UTP20: variants seen among roughly 807,000 people sequenced by gnomAD.
UTP20 encodes small subunit processome component 20 homolog.
In UTP20, 164 loss-of-function variants were observed where a neutral mutation model predicts 329.5. That is an observed-to-expected ratio of 0.50 (90% CI 0.44 to 0.57). The LOEUF is 0.57. UTP20 is among the 20% of genes least tolerant of loss of function. The pLI is 0.00. For synonymous variants in UTP20, 1,151 were observed against 1,159.3 expected (o/e 0.99, Z 0.14); for missense variants, 3,055 against 3,284.2 (o/e 0.93, Z 1.71).
intron 49 of UTP20, 49 bp downstream of exon 49, chr12:101,369,940 G>A (rs1184176730): frequency 6.4e-7 from 1 of 1,564,960 alleles, no homozygotes; most frequent in South Asian, 1.1e-5. Context: ...GGAGCTGGAT[G>A]CAATAGCTCG....
intron 21 of UTP20, among the ~76,000 whole-genome samples, chr12:101,314,433 T>C (rs1373869941): frequency 2.0e-5 from 3 of 151,176 alleles, no homozygotes; most frequent in Non-Finnish European, 4.4e-5. Context: ...CCGAGGCTGG[T>C]GGATCACAAG....
chr12:101,282,108 T>G (rs1017191502), intron 2 of UTP20, among the ~76,000 whole-genome samples: 1 of 152,204 alleles, frequency 6.6e-6, no homozygotes, highest in Non-Finnish European at 1.5e-5. Flanking sequence ...CCAATCTCAG[T>G]TCGTAATATT....
intron 43 of UTP20, 65 bp downstream of exon 43, chr12:101,357,147 C>A: frequency 6.8e-7 from 1 of 1,462,860 alleles, no homozygotes. Context: ...AGCTTGAACA[C>A]TGTAAGTTAT....
intron 40 of UTP20, 143 bp from the exon 41 acceptor site, chr12:101,354,689 C>T (rs970333561): frequency 2.5e-6 from 2 of 805,846 alleles, no homozygotes; most frequent in South Asian, 3.6e-5. Flanking sequence ...ACTGCTCTTT[C>T]CTCAGCACTT....
intron 57 of UTP20, 58 bp from the exon 58 acceptor site, chr12:101,381,082 T>TA: frequency 6.9e-7 from 1 of 1,445,850 alleles, no homozygotes; most frequent in Non-Finnish European, 9.7e-7. Flanking sequence ...TTTAGCTTTT[T>TA]AAAAACAATC....
intron 58 of UTP20, among the ~76,000 whole-genome samples, chr12:101,381,915 A>G (rs1870658030): frequency 6.7e-6 from 1 of 150,352 alleles, no homozygotes; most frequent in African/African-American, 2.5e-5. Context: ...GCTACACAGG[A>G]GGCTGAGGCA....
intron 36 of UTP20, 118 bp from the exon 37 acceptor site, chr12:101,345,436 T>C (rs551986645): frequency 2.7e-6 from 2 of 731,528 alleles, no homozygotes; most frequent in East Asian, 5.8e-5. Flanking sequence ...ATCCTGACTT[T>C]TTTTTTTAAC....
At chr12:101,380,216 A>G (rs1870597602) in intron 57 of UTP20, among the ~76,000 whole-genome samples, 1 of 151,868 alleles carries the variant, frequency 6.6e-6, no homozygotes, top group Admixed American at 6.6e-5. Flanking sequence ...TATCTCTACA[A>G]AAAGTACAGA....
chr12:101,352,995 C>T (rs1869587811), intron 39 of UTP20, 52 bp from the exon 40 acceptor site: 12 of 1,114,112 alleles, frequency 1.1e-5, no homozygotes, highest in Admixed American at 4.6e-5. Flanking sequence ...TTTTATAATC[C>T]AGTGATATTA....
intron 2 of UTP20, among the ~76,000 whole-genome samples, chr12:101,283,188 A>G (rs115337067): frequency 2.3e-3 from 354 of 152,342 alleles, no homozygotes; most frequent in African/African-American, 7.8e-3. Flanking sequence ...GGTTGAAGGT[A>G]TCAAGAGGCA....
rs1453158549 is a variant in UTP20, at chr12:101,374,187, G to A, written c.7131+420G>A. 6.3e-4 allele frequency among the ~76,000 whole-genome samples: 95 copies of A among 149,898 alleles called. No individual in the cohort carries two copies. The East Asian group carries it at 6.9e-3, about 11-fold the overall frequency. On this transcript the variant is annotated intron_variant, in intron 54 of 61. Transcript: ENST00000261637. ...GAGGCGGAGCTTGCAGTGAGCCGAG[G>A]TCCCGCCACTGCACTCCAGCCTGGG...
At position 101,355,053 on chromosome 12, in the gene UTP20, A is replaced by G. The variant is rs1214693483; in HGVS notation, c.5329A>G (p.Lys1777Glu). 1.2e-6 allele frequency: 2 copies of G among 1,614,202 alleles called. No homozygotes were observed. Among genetic ancestry groups the G allele is most frequent in the African/African-American group, 1.3e-5 (1 of 75,062 alleles). ...QNKEEIERTI[K>E]NIQGTITGDI... ...CAAGGAAGAAATAGAGAGAACAATT[A>G]AAAATATCCAAGGAACCATAACCGG... The change falls in exon 41 of 62, where the codon AAA (lysine) becomes GAA (glutamate). Residue 1777 changes from lysine (K) to glutamate (E), a missense_variant. Coordinates refer to ENST00000261637, the MANE Select transcript of UTP20 (RefSeq NM_014503.3).
intron 58 of UTP20, among the ~76,000 whole-genome samples, chr12:101,381,856 T>G (rs547277810): frequency 1.3e-5 from 2 of 151,198 alleles, no homozygotes; most frequent in Admixed American, 1.3e-4. Flanking sequence ...TCATCTCTAC[T>G]AAAAAGACAA....
At chr12:101,375,061 T>C in intron 55 of UTP20, 122 bp downstream of exon 55, 1 of 657,514 alleles carries the variant, frequency 1.5e-6, no homozygotes, top group South Asian at 2.4e-5. Context: ...TAGCTATTTA[T>C]AGCTAATCAA....
chr12:101,385,934 A>G (rs1357846257), intron 61 of UTP20, 34 bp from the exon 62 acceptor site: 2 of 1,504,752 alleles, frequency 1.3e-6, no homozygotes, highest in Admixed American at 4.4e-5. Context: ...CATTTACTTT[A>G]AAAGTAATAT....
At chr12:101,334,937 C>G (rs1032451206) in intron 29 of UTP20, among the ~76,000 whole-genome samples, 1 of 149,646 alleles carries the variant, frequency 6.7e-6, no homozygotes, top group Non-Finnish European at 1.5e-5. Flanking sequence ...CATGCCACTG[C>G]ATTCTAGCCT....
intron 15 of UTP20, among the ~76,000 whole-genome samples, chr12:101,303,500 G>A (rs765812989): frequency 6.6e-5 from 10 of 152,144 alleles, no homozygotes; most frequent in Non-Finnish European, 1.0e-4. Flanking sequence ...GGATACCTGC[G>A]GTCTGGGCTG....
chr12:101,295,601 C>T lies in UTP20; in HGVS notation c.1373C>T (p.Thr458Ile), dbSNP rs141301122. Residue 458 changes from threonine to isoleucine, a missense_variant, in exon 12 of 62, where the codon ACT becomes ATT. By Grantham distance (89) the Thr-to-Ile change is moderately conservative. Transcript: ENST00000261637. ...ATTCTGAACAAAGCAGCACCTCCCA[C>T]TGCTGGCTCGATGGCAATTGAAAAG... ...KLILNKAAPP[T>I]AGSMAIEKYP... The T allele has an allele frequency of 1.1e-5, 17 of 1,613,054 alleles. No individual in the cohort carries two copies. The highest frequency in any genetic ancestry group is 1.4e-5 in the Non-Finnish European group (16 of 1,179,430).
intron 12 of UTP20, 89 bp downstream of exon 12, chr12:101,295,747 A>G (rs1872325941): frequency 7.5e-7 from 1 of 1,338,444 alleles, no homozygotes; most frequent in Non-Finnish European, 9.9e-7. Context: ...AATGATCTAT[A>G]TGTAACAGGA....
Sources: allele counts gnomAD v4.1 joint callset (sites outside exome capture counted in the v4.1 genomes callset), GRCh38; gene constraint gnomAD v4.1.1; transcripts MANE v1.5; gene names NCBI Gene and HGNC (gene_info 2026-07-23, HGNC 2026-07-21).